Variants in HIPK3 observed in about 807,000 individuals in gnomAD.
HIPK3 encodes the protein homeodomain-interacting protein kinase 3.
Under a neutral mutation model 124.2 loss-of-function variants are expected in HIPK3, and 47 were observed. That is an observed-to-expected ratio of 0.38 (90% CI 0.30 to 0.48). The LOEUF (loss-of-function observed/expected upper bound fraction) is 0.48. Ranked by LOEUF, HIPK3 falls within the 20% of genes least tolerant of loss-of-function variation. The pLI, the probability that HIPK3 is intolerant of heterozygous loss-of-function variation, is 0.98. For synonymous variants in HIPK3, 482 were observed against 515.2 expected (o/e 0.94, Z 0.87); for missense variants, 1,286 against 1,454.3 (o/e 0.88, Z 1.88).
intron 2 of HIPK3, among the ~76,000 whole-genome samples, chr11:33,305,375 G>A (rs1363899689): frequency 1.3e-5 from 2 of 152,040 alleles, no homozygotes; most frequent in African/African-American, 4.8e-5. Flanking sequence ...TCTTTCATAT[G>A]TTATTAAGGT....
intron 2 of HIPK3, among the ~76,000 whole-genome samples, chr11:33,288,768 C>T (rs763329431): frequency 1.3e-5 from 2 of 152,104 alleles, no homozygotes; most frequent in Admixed American, 6.5e-5. Flanking sequence ...TAACTTTGAG[C>T]TTAAATTATT....
intron 2 of HIPK3, among the ~76,000 whole-genome samples, chr11:33,305,193 G>A (rs1852120633): frequency 6.6e-6 from 1 of 152,026 alleles, no homozygotes; most frequent in African/African-American, 2.4e-5. Context: ...GTAGAGGCAG[G>A]GTTTCACCAC....
intron 2 of HIPK3, among the ~76,000 whole-genome samples, chr11:33,314,411 G>T (rs570380191): frequency 5.3e-5 from 8 of 152,248 alleles, no homozygotes; most frequent in African/African-American, 1.9e-4. Context: ...CCAGTACTTT[G>T]GGAGGCCTAG....
chr11:33,342,319 C>T (rs534764344), intron 8 of HIPK3, among the ~76,000 whole-genome samples: 1 of 152,106 alleles, frequency 6.6e-6, no homozygotes, highest in South Asian at 2.1e-4. Flanking sequence ...CTGTTTTAGA[C>T]ATTTAGCTAC....
intron 1 of HIPK3, among the ~76,000 whole-genome samples, chr11:33,268,456 T>C (rs1326698972): frequency 1.3e-5 from 2 of 151,704 alleles, no homozygotes; most frequent in Non-Finnish European, 2.9e-5. Context: ...CTGAGTGAGG[T>C]GGTGCATACC....
At chr11:33,267,408 C>G (rs574764206) in intron 1 of HIPK3, among the ~76,000 whole-genome samples, 2 of 151,908 alleles carry the variant, frequency 1.3e-5, no homozygotes, top group Non-Finnish European at 2.9e-5. Context: ...CCACTGTGCC[C>G]GGCGCACATT....
chr11:33,308,960 A>G (rs1029871184), intron 2 of HIPK3, among the ~76,000 whole-genome samples: 1 of 151,834 alleles, frequency 6.6e-6, no homozygotes, highest in Non-Finnish European at 1.5e-5. Flanking sequence ...TTTACTGTAA[A>G]ACATTAAAAA....
intron 2 of HIPK3, among the ~76,000 whole-genome samples, chr11:33,323,926 A>G (rs1590401119): frequency 2.0e-5 from 3 of 152,234 alleles, no homozygotes; most frequent in Admixed American, 2.0e-4. Context: ...TTCAACTGGC[A>G]TGTTTAATTT....
At position 33,353,412 on chromosome 11, in the gene HIPK3, C is replaced by T. The variant is rs746665719; in HGVS notation, c.3492C>T (p.Val1164=). Residue 1164 remains valine (V), a synonymous_variant, in exon 17 of 17, where the codon GTC becomes GTT. Coordinates refer to ENST00000303296, the MANE Select transcript of HIPK3 (RefSeq NM_005734.5). ...ISHPSGIVHQ[V]PVGLNPRLLP... is the part of the protein sequence containing the mutation. ...ATCCCAGTGGCATAGTTCACCAAGT[C>T]CCAGTGGGCTTAAATCCCCGTCTGT... The T allele has an allele frequency of 1.4e-5, 23 of 1,613,976 alleles. 1 individual carries two copies. The South Asian group carries it at 2.5e-4, about 18-fold the overall frequency.
chr11:33,301,713 C>G (rs9630148), intron 2 of HIPK3, among the ~76,000 whole-genome samples: 1 of 151,186 alleles, frequency 6.6e-6, no homozygotes, highest in South Asian at 2.1e-4. Context: ...TGTCAGCTAT[C>G]TGGGATGCTG....
At chr11:33,339,652 C>A in intron 6 of HIPK3, 118 bp downstream of exon 6, 1 of 719,266 alleles carries the variant, frequency 1.4e-6, no homozygotes, top group Non-Finnish European at 2.2e-6. Flanking sequence ...TCAAAAGAGG[C>A]TAAGCTAACT....
chr11:33,301,353 TC>T (rs1590376276), intron 2 of HIPK3, among the ~76,000 whole-genome samples: 1 of 152,172 alleles, frequency 6.6e-6, no homozygotes, highest in African/African-American at 2.4e-5. Context: ...ACTCCTTCTC[TC>T]CCACCTTCAG....
chr11:33,344,455 C>T (rs1315170751), intron 8 of HIPK3, among the ~76,000 whole-genome samples: 7 of 152,000 alleles, frequency 4.6e-5, no homozygotes, highest in Admixed American at 2.0e-4. Flanking sequence ...AAAGAGACTT[C>T]GGAGACACAT....
In HIPK3 at chr11:33,286,269, A is replaced by G. The variant is rs561691683; in HGVS notation, c.-2-144A>G. ...TTCTCCAAGGGAAAAAATCATCTTCATGGAAATTAATTACTTTTTTACAAA... is the reference window on the plus strand; with the variant it reads ...TTCTCCAAGGGAAAAAATCATCTTCGTGGAAATTAATTACTTTTTTACAAA... On this transcript the variant is annotated intron_variant, in intron 1 of 16. Transcript: ENST00000303296. 279 of 740,162 alleles carry G rather than the reference A, an allele frequency of 3.8e-4. No homozygotes were observed. The African/African-American group carries it at 3.9e-3, about 10-fold the overall frequency. 45.8% of individuals were successfully genotyped at this position (740,162 alleles called of 1,614,324 possible).
chr11:33,261,825 C>T (rs1850835211), intron 1 of HIPK3, among the ~76,000 whole-genome samples: 1 of 152,216 alleles, frequency 6.6e-6, no homozygotes, highest in Non-Finnish European at 1.5e-5. Context: ...AACTAATTTA[C>T]ATTCCCACCA....
chr11:33,310,795 A>G (rs1417588707), intron 2 of HIPK3, among the ~76,000 whole-genome samples: 1 of 152,236 alleles, frequency 6.6e-6, no homozygotes, highest in East Asian at 1.9e-4. Context: ...TCTACATGAA[A>G]TCTTCCTCCA....
intron 3 of HIPK3, among the ~76,000 whole-genome samples, chr11:33,336,796 T>A (rs757030608): frequency 1.8e-4 from 28 of 152,230 alleles, no homozygotes; most frequent in Non-Finnish European, 3.7e-4. Context: ...TGCAAACTCC[T>A]ATTTGTCCTT....
chr11:33,284,036 A>G (rs1317274906), intron 1 of HIPK3, among the ~76,000 whole-genome samples: 1 of 152,184 alleles, frequency 6.6e-6, no homozygotes, highest in Non-Finnish European at 1.5e-5. Context: ...AAATATTGTA[A>G]ATAAAGTGTT....
intron 3 of HIPK3, among the ~76,000 whole-genome samples, chr11:33,336,193 C>T (rs958499906): frequency 1.8e-4 from 27 of 152,162 alleles, no homozygotes; most frequent in Admixed American, 5.2e-4. Context: ...AACATTTGAA[C>T]CAAGAGCTGA....
Sources: gnomAD v4.1 joint callset for allele counts (sites outside exome capture counted in the v4.1 genomes callset) on GRCh38, gnomAD v4.1.1 for gene constraint, MANE v1.5 for transcripts, NCBI Gene and HGNC (gene_info 2026-07-23, HGNC 2026-07-21) for gene names.